Variants in EYS observed in about 807,000 individuals in gnomAD.
EYS encodes EGF-like photoreceptor maintenance factor, also known as protein eyes shut homolog.
Under a neutral mutation model 282.1 loss-of-function variants are expected in EYS, and 250 were observed. The observed-to-expected ratio is 0.89, with a 90% confidence interval of 0.80 to 0.98. The LOEUF is 0.98. Ranked by LOEUF, EYS falls within the 50% of genes least tolerant of loss-of-function variation. EYS has a pLI of 0.00. For missense variants in EYS, 4,016 were observed against 3,709.0 expected (o/e 1.08, Z -2.15); for synonymous variants, 1,355 against 1,282.9 (o/e 1.06, Z -1.20).
intron 22 of EYS, among the ~76,000 whole-genome samples, chr6:64,660,511 C>T (rs1768966021): frequency 6.6e-6 from 1 of 152,074 alleles, no homozygotes; most frequent in Non-Finnish European, 1.5e-5. Flanking sequence ...CCAAAATCTC[C>T]TTAAGCTGAT....
At chr6:63,737,878 C>A (rs1387525121) in intron 41 of EYS, among the ~76,000 whole-genome samples, 1 of 151,108 alleles carries the variant, frequency 6.6e-6, no homozygotes, top group Non-Finnish European at 1.5e-5. Flanking sequence ...TGAACTCAAA[C>A]AAATTTACAA....
rs149025421 is a variant in EYS, at chr6:64,893,036, C to T, written c.2847-6194G>A. 2.0e-3 allele frequency among the ~76,000 whole-genome samples: 298 copies of T among 152,032 alleles called. 2 individuals are homozygous for T. The highest frequency in any genetic ancestry group is 6.9e-3 in the African/African-American group (288 of 41,510). Reference sequence around the variant, plus strand: ...TCTATTTTTTCTTTAAATGCACTAGCCACTGTTATTGTAATTGTTCTTGCA... The same window carrying T: ...TCTATTTTTTCTTTAAATGCACTAGTCACTGTTATTGTAATTGTTCTTGCA... On this transcript the variant is annotated intron_variant, in intron 18 of 42. Coordinates refer to ENST00000503581, the MANE Select transcript of EYS (RefSeq NM_001142800.2).
intron 35 of EYS, among the ~76,000 whole-genome samples, chr6:63,901,001 C>T (rs1773645051): frequency 6.6e-6 from 1 of 152,128 alleles, no homozygotes; most frequent in Admixed American, 6.5e-5. Context: ...TGCAAAGAAA[C>T]AACCTGTGAT....
chr6:63,953,490 A>C (rs1440548715), intron 35 of EYS, among the ~76,000 whole-genome samples: 1 of 152,088 alleles, frequency 6.6e-6, no homozygotes, highest in African/African-American at 2.4e-5. Context: ...AATTCTTCAT[A>C]AAAACAAATG....
At chr6:63,941,767 G>A (rs548591789) in intron 35 of EYS, among the ~76,000 whole-genome samples, 1 of 152,176 alleles carries the variant, frequency 6.6e-6, no homozygotes, top group Admixed American at 6.5e-5. Context: ...CTATACAGCT[G>A]CTAAGCTCCC....
intron 31 of EYS, among the ~76,000 whole-genome samples, chr6:64,104,912 C>T (rs996306755): frequency 6.6e-6 from 1 of 151,822 alleles, no homozygotes; most frequent in Non-Finnish European, 1.5e-5. Flanking sequence ...CTGTACAAAT[C>T]GGCTACTATT....
At chr6:64,653,809 C>A (rs1768651743) in intron 22 of EYS, among the ~76,000 whole-genome samples, 1 of 150,520 alleles carries the variant, frequency 6.6e-6, no homozygotes, top group African/African-American at 2.5e-5. Flanking sequence ...AAGTGATCAT[C>A]CCGCCTCTGC....
chr6:65,270,215 A>G (rs1767861785), intron 12 of EYS, among the ~76,000 whole-genome samples: 1 of 152,190 alleles, frequency 6.6e-6, no homozygotes, highest in Non-Finnish European at 1.5e-5. Flanking sequence ...ATAGGAAAGA[A>G]GGAAGGGGTG....
intron 4 of EYS, among the ~76,000 whole-genome samples, chr6:65,491,986 T>C (rs539651530): frequency 1.3e-5 from 2 of 152,190 alleles, no homozygotes; most frequent in African/African-American, 4.8e-5. Flanking sequence ...AGCAAATAGA[T>C]CTCAGAAGAA....
At chr6:65,204,387 C>T (rs1765975492) in intron 12 of EYS, among the ~76,000 whole-genome samples, 1 of 149,958 alleles carries the variant, frequency 6.7e-6, no homozygotes, top group African/African-American at 2.5e-5. Context: ...GAGATTGAGG[C>T]CCTATTTTTA....
At chr6:65,267,155 C>T (rs1767779399) in intron 12 of EYS, among the ~76,000 whole-genome samples, 1 of 151,616 alleles carries the variant, frequency 6.6e-6, no homozygotes, top group African/African-American at 2.4e-5. Flanking sequence ...TTTGAAAATA[C>T]GGACTCCTGG....
chr6:64,020,619 C>A (rs1479654336), intron 33 of EYS, among the ~76,000 whole-genome samples: 2 of 152,104 alleles, frequency 1.3e-5, no homozygotes, highest in African/African-American at 2.4e-5. Context: ...ATATTTTAGA[C>A]TCTAAAACAT....
At chr6:64,485,279 G>T (rs1051000348) in intron 26 of EYS, among the ~76,000 whole-genome samples, 2 of 151,584 alleles carry the variant, frequency 1.3e-5, no homozygotes, top group Non-Finnish European at 3.0e-5. Context: ...AATGTATTTA[G>T]TAGCCCATGA....
chr6:64,266,933 G>C (rs528408158), intron 30 of EYS, among the ~76,000 whole-genome samples: 117 of 152,218 alleles, frequency 7.7e-4, no homozygotes, highest in African/African-American at 2.7e-3. Context: ...AAAAATACCT[G>C]ATGTTTTGAA....
chr6:65,560,125 A>G (rs1363904504), intron 2 of EYS, among the ~76,000 whole-genome samples: 2 of 148,884 alleles, frequency 1.3e-5, no homozygotes, highest in Non-Finnish European at 3.0e-5. Flanking sequence ...TTACTAATAT[A>G]CTAAGATGCT....
At chr6:65,683,746 G>C (rs564447074) in intron 1 of EYS, among the ~76,000 whole-genome samples, 128 of 152,050 alleles carry the variant, frequency 8.4e-4, no homozygotes, top group South Asian at 1.9e-3. Context: ...AGGATTGAGA[G>C]AGCAGCAGAT....
intron 14 of EYS, among the ~76,000 whole-genome samples, chr6:64,991,489 A>G (rs946715633): frequency 1.3e-5 from 2 of 151,646 alleles, no homozygotes; most frequent in African/African-American, 4.8e-5. Flanking sequence ...ATAATAATCA[A>G]TCAGTCATTG....
intron 5 of EYS, among the ~76,000 whole-genome samples, chr6:65,446,014 A>G (rs1321600454): frequency 1.3e-5 from 2 of 151,802 alleles, no homozygotes; most frequent in East Asian, 1.9e-4. Flanking sequence ...TTTTCATAGT[A>G]TAAATAACAT....
chr6:64,927,954 G>A (rs984798848), intron 15 of EYS, among the ~76,000 whole-genome samples: 2 of 152,030 alleles, frequency 1.3e-5, no homozygotes, highest in South Asian at 4.1e-4. Context: ...GGGTATAAGA[G>A]GGTGGAAATG....
Sources: allele counts gnomAD v4.1 joint callset (sites outside exome capture counted in the v4.1 genomes callset), GRCh38; gene constraint gnomAD v4.1.1; transcripts MANE v1.5; gene names NCBI Gene and HGNC (gene_info 2026-07-23, HGNC 2026-07-21).